The following HEATR5A variants were observed in gnomAD, a reference collection of about 807,000 sequenced individuals.
HEATR5A encodes the protein HEAT repeat containing 5A, also known as HEAT repeat-containing protein 5A.
In HEATR5A, 178 loss-of-function variants were observed where a neutral mutation model predicts 218.8. The ratio of observed to expected loss-of-function variants is 0.81; its 90% CI spans 0.72 to 0.92. The LOEUF (loss-of-function observed/expected upper bound fraction) is 0.92, where lower values mean the gene tolerates loss of function less well. HEATR5A is among the 40% of genes least tolerant of loss of function. HEATR5A has a pLI of 0.00. For synonymous variants in HEATR5A, 864 were observed against 871.6 expected, an observed-to-expected ratio of 0.99 and a Z score of 0.15; for missense variants, 2,420 against 2,418.9, an observed-to-expected ratio of 1.00 and a Z score of -0.01.
intron 16 of HEATR5A, among the ~76,000 whole-genome samples, chr14:31,357,447 T>C (rs922204041): frequency 6.6e-6 from 1 of 152,152 alleles, no homozygotes; most frequent in Non-Finnish European, 1.5e-5. Context: ...AGAGAGGAAA[T>C]GAATGAATGA....
intron 13 of HEATR5A, among the ~76,000 whole-genome samples, chr14:31,369,631 A>AAC (rs1555370128): frequency 5.4e-5 from 8 of 148,598 alleles, no homozygotes; most frequent in Non-Finnish European, 1.2e-4. Context: ...AAAAAAAAAA[A>AAC]AAAAACCCAA....
intron 9 of HEATR5A, among the ~76,000 whole-genome samples, chr14:31,384,445 A>G (rs542625568): frequency 3.0e-4 from 42 of 140,154 alleles, no homozygotes; most frequent in African/African-American, 1.0e-3. Flanking sequence ...CCCTGCCTTG[A>G]AAAAAAAAAA....
intron 22 of HEATR5A, among the ~76,000 whole-genome samples, chr14:31,335,248 T>C (rs1214705577): frequency 2.6e-5 from 4 of 152,222 alleles, no homozygotes; most frequent in Non-Finnish European, 5.9e-5. Flanking sequence ...ACTTGCTTTA[T>C]TGCATGGTCT....
intron 7 of HEATR5A, 70 bp downstream of exon 7, chr14:31,388,775 G>A: frequency 1.6e-6 from 2 of 1,218,336 alleles, no homozygotes; most frequent in South Asian, 1.3e-5. Context: ...CACTTCTGTG[G>A]AGTCAGATAC....
intron 18 of HEATR5A, among the ~76,000 whole-genome samples, chr14:31,348,867 G>A (rs1263725483): frequency 6.6e-6 from 1 of 152,052 alleles, no homozygotes; most frequent in African/African-American, 2.4e-5. Context: ...TAGGCTCCAA[G>A]GTCAAAGTGC....
intron 30 of HEATR5A, among the ~76,000 whole-genome samples, chr14:31,307,303 A>T (rs35474202): frequency 0.26 from 39,560 of 152,216 alleles, 6,724 homozygotes; most frequent in Non-Finnish European, 0.38. Flanking sequence ...AAAACTTGAT[A>T]TCAAAAGTAT....
chr14:31,346,070 C>T (rs1195147040), intron 19 of HEATR5A, among the ~76,000 whole-genome samples: 2 of 152,136 alleles, frequency 1.3e-5, no homozygotes, highest in African/African-American at 4.8e-5. Flanking sequence ...TAAAAGCTCT[C>T]TCTTCAGAAA....
Position 31,304,948 on chromosome 14 carries a change from T to C in HEATR5A, c.5196A>G (p.Ala1732=). The C allele has an allele frequency of 6.2e-7, 1 of 1,614,000 alleles. No individual in the cohort carries two copies. The highest frequency in any genetic ancestry group is 8.5e-7 in the Non-Finnish European group (1 of 1,179,888). The change falls in exon 32 of 36, where the codon GCA becomes GCG. Residue 1732 remains alanine, a synonymous_variant. Coordinates refer to ENST00000543095, the MANE Select transcript of HEATR5A (RefSeq NM_015473.4). The part of the protein sequence containing the change: ...LEDGSRLVSA[A]LVILSELPAV... ...CAGGAAGTTCGGAAAGGATAACCAA[T>C]GCAGCTGAAACCAATCTACTTCCAT...
intron 16 of HEATR5A, among the ~76,000 whole-genome samples, chr14:31,350,982 T>C (rs928102392): frequency 2.6e-5 from 4 of 152,158 alleles, no homozygotes; most frequent in African/African-American, 9.7e-5. Context: ...AGTTTCACCA[T>C]GTTGGCCAGG....
At chr14:31,294,593 T>TA (rs368672858) in intron 34 of HEATR5A, among the ~76,000 whole-genome samples, 260 of 152,168 alleles carry the variant, frequency 1.7e-3, no homozygotes, top group East Asian at 0.01. Context: ...GTATTTTTAG[T>TA]AGAGACGGGG....
intron 30 of HEATR5A, among the ~76,000 whole-genome samples, chr14:31,307,481 C>G (rs181719554): frequency 6.6e-6 from 1 of 152,144 alleles, no homozygotes; most frequent in African/African-American, 2.4e-5. Context: ...ACTTAGCCAA[C>G]AGGAATACTT....
chr14:31,335,819 A>C (rs958183315), intron 22 of HEATR5A, among the ~76,000 whole-genome samples: 2 of 151,938 alleles, frequency 1.3e-5, no homozygotes, highest in Non-Finnish European at 2.9e-5. Context: ...ACACAGATCT[A>C]ATTTTTTATA....
chr14:31,325,006 G>A (rs1447884648), intron 23 of HEATR5A, among the ~76,000 whole-genome samples: 1 of 152,084 alleles, frequency 6.6e-6, no homozygotes, highest in South Asian at 2.1e-4. Context: ...TCTAAGGCTT[G>A]GGCAACTGAG....
In HEATR5A at chr14:31,312,989, C is replaced by T; in HGVS notation, c.4420G>A (p.Ala1474Thr). The T allele has an allele frequency of 6.2e-7, 1 of 1,613,502 alleles. No homozygotes were observed. The highest frequency in any genetic ancestry group is 1.3e-5 in the African/African-American group (1 of 75,026). ...FALLTLPSEF[A>T]SQLPAEGGAF... ...TTACCTTCAGCAGGAAGTTGGGAGG[C>T]AAATTCTGAAGGCAAAGTTAAAAGA... Residue 1474 changes from alanine to threonine, a missense_variant, in exon 28 of 36, where the codon GCC becomes ACC. By Grantham distance (58) the Ala-to-Thr change is moderately conservative. Coordinates refer to ENST00000543095, the MANE Select transcript of HEATR5A (RefSeq NM_015473.4).
Position 31,380,546 on chromosome 14 carries a change from A to C in HEATR5A, c.1629T>G (p.Cys543Trp). 1 of 1,605,100 alleles carries C rather than the reference A, an allele frequency of 6.2e-7. No individual in the cohort carries two copies. The highest frequency in any genetic ancestry group is 1.3e-5 in the African/African-American group (1 of 74,958). Residue 543 changes from cysteine to tryptophan, a missense_variant, in exon 11 of 36, where the codon TGT (cysteine) becomes TGG (tryptophan). By Grantham distance (215) the Cys-to-Trp change is radical. Coordinates refer to ENST00000543095, the MANE Select transcript of HEATR5A (RefSeq NM_015473.4). Reference protein sequence around the residue: ...IIMTLAEDLLCSAAQNSRLSA... With the variant: ...IIMTLAEDLLWSAAQNSRLSA... ...AAAGGCGACTGTTTTGAGCAGCAGAACACAGCAAATCCTCTGCTAATGTCA... is the reference window on the plus strand; with the variant it reads ...AAAGGCGACTGTTTTGAGCAGCAGACCACAGCAAATCCTCTGCTAATGTCA...
chr14:31,344,057 T>A lies in HEATR5A; in HGVS notation c.3067A>T (p.Thr1023Ser). 1 of 1,505,902 alleles carries A rather than the reference T, an allele frequency of 6.6e-7. No individual in the cohort carries two copies. The highest frequency in any genetic ancestry group is 8.9e-7 in the Non-Finnish European group (1 of 1,123,696). The allele number at this position is 1,505,902 out of a possible 1,614,324, so 93.3% of individuals were successfully genotyped here. The change falls in exon 21 of 36, where the codon ACT becomes TCT. Residue 1023 changes from threonine (T) to serine (S), a missense_variant. Physicochemically the swap from Thr to Ser is moderately conservative, Grantham distance 58. Coordinates refer to ENST00000543095, the MANE Select transcript of HEATR5A (RefSeq NM_015473.4). ...TLGPELQGNS[T>S]SISTLRTSCL... ...GAAGTCCTTAAGGTAGAAATTGAAG[T>A]ACTGTTACCTAAAATAAAAAGCAGA...
chr14:31,369,608 CA>C (rs71430951), intron 13 of HEATR5A, among the ~76,000 whole-genome samples: 5,057 of 44,928 alleles, frequency 0.11, 62 homozygotes, highest in East Asian at 0.24. Flanking sequence ...AAAACTGTCT[CA>C]AAAAAAAAAA....
intron 2 of HEATR5A, among the ~76,000 whole-genome samples, chr14:31,401,340 G>A (rs1274252500): frequency 1.3e-5 from 2 of 152,022 alleles, no homozygotes; most frequent in African/African-American, 4.8e-5. Context: ...ACACTTCCCC[G>A]CAACCCTTCC....
At chr14:31,378,065 C>T (rs767417757) in intron 11 of HEATR5A, among the ~76,000 whole-genome samples, 4 of 152,188 alleles carry the variant, frequency 2.6e-5, no homozygotes, top group Non-Finnish European at 5.9e-5. Context: ...CCAGGAACTT[C>T]AATACGGCAG....
Sources: allele counts gnomAD v4.1 joint callset (sites outside exome capture counted in the v4.1 genomes callset), GRCh38; gene constraint gnomAD v4.1.1; transcripts MANE v1.5; gene names NCBI Gene and HGNC (gene_info 2026-07-23, HGNC 2026-07-21).